Variants in MYO1E observed in about 807,000 individuals in gnomAD.
MYO1E encodes the protein unconventional myosin-Ie.
In MYO1E, 68 loss-of-function variants were observed where a neutral mutation model predicts 151.1. The ratio of observed to expected loss-of-function variants is 0.45; its 90% CI spans 0.37 to 0.55. The LOEUF (loss-of-function observed/expected upper bound fraction) is 0.55. Ranked by LOEUF, MYO1E falls within the 20% of genes least tolerant of loss-of-function variation. MYO1E has a pLI of 0.00. For synonymous variants in MYO1E, 601 were observed against 501.7 expected (o/e 1.20, Z -2.64); for missense variants, 1,363 against 1,389.3 (o/e 0.98, Z 0.30).
intron 15 of MYO1E, among the ~76,000 whole-genome samples, chr15:59,202,874 T>C (rs2079810665): frequency 6.6e-6 from 1 of 152,182 alleles, no homozygotes; most frequent in African/African-American, 2.4e-5. Context: ...CCTGAGTAGC[T>C]GGCACTATAT....
chr15:59,338,648 C>T (rs2080744791), intron 1 of MYO1E, among the ~76,000 whole-genome samples: 2 of 152,068 alleles, frequency 1.3e-5, no homozygotes, highest in Admixed American at 6.6e-5. Context: ...AGGGGAGTTT[C>T]AACTATTGCT....
intron 1 of MYO1E, among the ~76,000 whole-genome samples, chr15:59,362,586 A>G (rs1196688089): frequency 6.6e-6 from 1 of 152,246 alleles, no homozygotes. Context: ...AGCATTCCCA[A>G]GCCTTGAAGG....
chr15:59,185,469 G>A (rs1197726427), intron 18 of MYO1E, among the ~76,000 whole-genome samples: 24 of 152,188 alleles, frequency 1.6e-4, no homozygotes, highest in Admixed American at 1.2e-3. Flanking sequence ...GTTTCACCAT[G>A]TTGGCCAGGC....
intron 7 of MYO1E, among the ~76,000 whole-genome samples, chr15:59,225,566 G>A (rs1339184829): frequency 1.3e-5 from 2 of 151,926 alleles, no homozygotes; most frequent in African/African-American, 4.8e-5. Flanking sequence ...AAAGTCCCCT[G>A]GTCCTGTGTG....
At chr15:59,324,080 C>A (rs1003142311) in intron 1 of MYO1E, among the ~76,000 whole-genome samples, 4 of 152,030 alleles carry the variant, frequency 2.6e-5, no homozygotes, top group African/African-American at 4.8e-5. Flanking sequence ...TTCTCAAGAA[C>A]AGGACCCACT....
chr15:59,219,140 T>TTTGGATAGAAAAACGGAGAC (rs2079938249), intron 9 of MYO1E, among the ~76,000 whole-genome samples: 1 of 152,160 alleles, frequency 6.6e-6, no homozygotes, highest in Non-Finnish European at 1.5e-5. Context: ...GTCTGTGGTC[T>TTTGGATAGAAAAACGGAGAC]TTGGATAGAA....
At chr15:59,239,736 T>C (rs762969095) in intron 4 of MYO1E, among the ~76,000 whole-genome samples, 2 of 152,218 alleles carry the variant, frequency 1.3e-5, no homozygotes, top group Non-Finnish European at 2.9e-5. Context: ...AATAATTAGT[T>C]CTCACTAAAC....
chr15:59,202,784 C>G (rs1168240435), intron 15 of MYO1E, among the ~76,000 whole-genome samples: 1 of 152,078 alleles, frequency 6.6e-6, no homozygotes, highest in Non-Finnish European at 1.5e-5. Flanking sequence ...CTCTACTGCC[C>G]AGGTTGGAGC....
At chr15:59,336,515 G>C (rs746716459) in intron 1 of MYO1E, among the ~76,000 whole-genome samples, 4 of 152,082 alleles carry the variant, frequency 2.6e-5, no homozygotes, top group Non-Finnish European at 4.4e-5. Flanking sequence ...AATAGTACTT[G>C]AATTTTGGAC....
chr15:59,170,933 C>T (rs2079589545), intron 22 of MYO1E, among the ~76,000 whole-genome samples: 1 of 152,212 alleles, frequency 6.6e-6, no homozygotes, highest in African/African-American at 2.4e-5. Flanking sequence ...AAGAGTTTGA[C>T]AGGCGTCCCA....
At chr15:59,177,714 A>C (rs16941111) in intron 19 of MYO1E, among the ~76,000 whole-genome samples, 8,663 of 152,302 alleles carry the variant, frequency 0.057, 314 homozygotes, top group African/African-American at 0.1. Context: ...TCTCATCAGG[A>C]AAGAAAGAAG....
rs150257931 is a variant in MYO1E, at chr15:59,178,808, T to C, written c.1905-271A>G. 7.2e-3 allele frequency among the ~76,000 whole-genome samples: 1,101 copies of C among 152,346 alleles called. 8 individuals carry two copies. Among genetic ancestry groups the C allele is most frequent in the Non-Finnish European group, 0.012 (790 of 68,024 alleles). On this transcript the variant is annotated intron_variant, in intron 18 of 27. Transcript: ENST00000288235. ...CTGGTGAAAACCTGCGTACTCTTTC[T>C]ACCACTGTCTGAAAATAGCATTGTG...
rs1293311866 is a variant in MYO1E, at chr15:59,275,990, T to C, written c.4-3541A>G. Among the ~76,000 whole-genome samples, 8 of 152,140 alleles carry C rather than the reference T, an allele frequency of 5.3e-5. No individual in the cohort carries two copies. In the East Asian group the frequency reaches 5.8e-4, roughly 11 times the overall value. ...GTTACATGGGCGGTGTGGTGGGGCA[T>C]TGTTACCACGCACTATCCTACGCTC... is the stretch of plus-strand genomic sequence containing the variant. On this transcript the variant is annotated intron_variant, in intron 1 of 27. Transcript: ENST00000288235.
chr15:59,355,810 G>A (rs1476767774), intron 1 of MYO1E, among the ~76,000 whole-genome samples: 1 of 152,098 alleles, frequency 6.6e-6, no homozygotes, highest in African/African-American at 2.4e-5. Flanking sequence ...CAACCTGCCA[G>A]GATCAAGCAA....
rs747560013 is a variant in MYO1E at position 59,172,024 on chromosome 15, G to C, written c.2353C>G (p.Leu785Val). 2.5e-6 allele frequency: 4 copies of C among 1,614,142 alleles called. No individual in the cohort carries two copies. The highest frequency in any genetic ancestry group is 4.5e-5 in the East Asian group (2 of 44,886). ...RRFKGVKRDL[L>V]LTPKCLYLIG... ...AAGTACAAGCACTTTGGGGTAAGGA[G>C]CAGGTCTCGCTTTACACCCTGTAAG... The change falls in exon 22 of 28, where the codon CTC (leucine) becomes GTC (valine). Residue 785 changes from leucine (L) to valine (V), a missense_variant. Coordinates refer to ENST00000288235, the MANE Select transcript of MYO1E (RefSeq NM_004998.4).
intron 14 of MYO1E, chr15:59,207,562 A>G (rs766798577): frequency 3.7e-6 from 6 of 1,614,012 alleles, no homozygotes; most frequent in Admixed American, 1.7e-5. Context: ...AAACCGTATT[A>G]TTGGAAGCGG....
At chr15:59,220,469 A>G (rs1051551482) in intron 9 of MYO1E, among the ~76,000 whole-genome samples, 2 of 152,184 alleles carry the variant, frequency 1.3e-5, no homozygotes, top group African/African-American at 4.8e-5. Flanking sequence ...CAAAAAACAA[A>G]ATAAAACAAA....
At chr15:59,366,817 G>C (rs1186340954) in intron 1 of MYO1E, among the ~76,000 whole-genome samples, 1 of 152,048 alleles carries the variant, frequency 6.6e-6, no homozygotes, top group Non-Finnish European at 1.5e-5. Flanking sequence ...CACTATTACA[G>C]AATGTGCTTA....
chr15:59,268,835 G>A (rs1271610472), intron 2 of MYO1E, among the ~76,000 whole-genome samples: 2 of 148,038 alleles, frequency 1.4e-5, no homozygotes, highest in African/African-American at 4.9e-5. Flanking sequence ...ATAAGACATA[G>A]TCCCTGCTTC....
Sources: allele counts gnomAD v4.1 joint callset (sites outside exome capture counted in the v4.1 genomes callset), GRCh38; gene constraint gnomAD v4.1.1; transcripts MANE v1.5; gene names NCBI Gene and HGNC (gene_info 2026-07-23, HGNC 2026-07-21).